The following DNAH5 variants were observed in gnomAD, a reference collection of about 807,000 sequenced individuals.
DNAH5 encodes dynein axonemal heavy chain 5.
A neutral mutation model predicts 518.2 loss-of-function variants in DNAH5; 372 were observed. The observed-to-expected ratio is 0.72, with a 90% CI of 0.66 to 0.78. The LOEUF (loss-of-function observed/expected upper bound fraction) is 0.78. DNAH5 is among the 30% of genes least tolerant of loss of function. The pLI is 0.00. For synonymous variants in DNAH5, 2,039 were observed against 2,025.9 expected, an observed-to-expected ratio of 1.01 and a Z score of -0.17; for missense variants, 5,523 against 5,687.0, an observed-to-expected ratio of 0.97 and a Z score of 0.93.
chr5:13,820,508 A>G lies in DNAH5; in HGVS notation c.6688-9T>C, dbSNP rs372522358. ...AAACCAGCTTCTTCAACCTGAAAAC[A>G]TAAGAGAATCCCCACATTGAAACAC... On this transcript the variant is annotated splice_polypyrimidine_tract_variant and intron_variant, in intron 40 of 78. Coordinates refer to ENST00000265104, the MANE Select transcript of DNAH5 (RefSeq NM_001369.3). 24 of 1,613,674 alleles carry G rather than the reference A, an allele frequency of 1.5e-5. No homozygotes were observed. The highest frequency in any genetic ancestry group is 3.3e-4 in the Middle Eastern group (2 of 5,988).
At chr5:13,940,515 A>G (rs1779358882) in intron 1 of DNAH5, among the ~76,000 whole-genome samples, 1 of 152,116 alleles carries the variant, frequency 6.6e-6, no homozygotes, top group Admixed American at 6.5e-5. Context: ...AAAGCTGGCC[A>G]CTCATTGGAA....
chr5:13,957,839 A>G (rs968678600), intron 1 of DNAH5, among the ~76,000 whole-genome samples: 3 of 151,540 alleles, frequency 2.0e-5, no homozygotes, highest in Non-Finnish European at 4.4e-5. Context: ...TATTATGAAA[A>G]TAATAAAAAT....
rs150165666 is a variant in DNAH5 at position 13,779,317 on chromosome 5, T to C, written c.8951+1512A>G. 9.6e-4 allele frequency among the ~76,000 whole-genome samples: 147 copies of C among 152,340 alleles called. 4 individuals carry two copies. The East Asian group carries it at 0.026, about 27-fold the overall frequency. Reference sequence around the variant, plus strand: ...AGTACTTGAATAAAACAGTAATCTTTGGATTTATTCTCCAAGAAGAACCCT... The same window carrying C: ...AGTACTTGAATAAAACAGTAATCTTCGGATTTATTCTCCAAGAAGAACCCT... On this transcript the variant is annotated intron_variant, in intron 53 of 78. Transcript: ENST00000265104.
At position 13,829,569 on chromosome 5, in the gene DNAH5, C is replaced by G. The variant is rs150095347; in HGVS notation, c.6385G>C (p.Val2129Leu). 41 of 1,614,160 alleles carry G rather than the reference C, an allele frequency of 2.5e-5. No homozygotes were observed. The African/African-American group carries it at 5.1e-4, about 20-fold the overall frequency. The change falls in exon 38 of 79, where the codon GTT becomes CTT. Residue 2129 changes from valine to leucine, a missense_variant. Physicochemically the swap from Val to Leu is conservative, Grantham distance 32 (BLOSUM62 1). Transcript: ENST00000265104. ...AGCGTGAAAAACTTCCTGGCCAAAA[C>G]AACGTTGTCAATGAAGCCACAACTA... Reference protein sequence around the residue: ...LASCGFIDNVVLARKFFTLYK... With the variant: ...LASCGFIDNVLLARKFFTLYK...
At position 13,776,446 on chromosome 5, in the gene DNAH5, TA is replaced by T. The variant is rs1060501460; in HGVS notation, c.9365del (p.Leu3122Ter). The T allele has an allele frequency of 5.6e-6, 9 of 1,613,700 alleles. No individual in the cohort carries two copies. The East Asian group carries it at 2.0e-4, about 36-fold the overall frequency. ...AAACATTTCCATACTAACCAGCAAC[TA>T]AAGCATCTTTGGGCCATCGGCTGAA... is the stretch of plus-strand genomic sequence containing the variant. ...DWFSRWPKDA[L>X]VAVSEHFLTS... On this transcript the variant is annotated frameshift_variant, in exon 55 of 79. Coordinates refer to ENST00000265104, the MANE Select transcript of DNAH5 (RefSeq NM_001369.3). LOFTEE classifies it high-confidence loss of function.
Position 13,721,158 on chromosome 5 carries a change from G to T in DNAH5, c.12121C>A (p.Pro4041Thr). The change falls in exon 71 of 79, where the codon CCA (proline) becomes ACA (threonine). Residue 4041 changes from proline (P) to threonine (T), a missense_variant. Coordinates refer to ENST00000265104, the MANE Select transcript of DNAH5 (RefSeq NM_001369.3). Reference sequence around the variant, plus strand: ...AGGAGACAGATGAGTGGCGTCCGTGGATCAGATTCCTCCCACGTCTTCTCC... The same window carrying T: ...AGGAGACAGATGAGTGGCGTCCGTGTATCAGATTCCTCCCACGTCTTCTCC... ...DLEKTWEESD[P>T]RTPLICLLSM... is the part of the protein sequence containing the mutation. 6.2e-7 allele frequency: 1 copy of T among 1,614,074 alleles called. No individual in the cohort carries two copies. The highest frequency in any genetic ancestry group is 1.1e-5 in the South Asian group (1 of 91,076).
intron 5 of DNAH5, 124 bp downstream of exon 5, chr5:13,921,983 C>A: frequency 9.5e-7 from 1 of 1,051,142 alleles, no homozygotes; most frequent in South Asian, 1.4e-5. Flanking sequence ...AAATTGCCTA[C>A]AAAAATTTTT....
chr5:13,959,891 C>T (rs1210142429), intron 1 of DNAH5, among the ~76,000 whole-genome samples: 1 of 152,048 alleles, frequency 6.6e-6, no homozygotes, highest in Admixed American at 6.5e-5. Flanking sequence ...CTCTTGAACC[C>T]GGGAGGGTGG....
intron 1 of DNAH5, among the ~76,000 whole-genome samples, chr5:13,987,081 G>A (rs1783104302): frequency 6.6e-6 from 1 of 152,130 alleles, no homozygotes; most frequent in Non-Finnish European, 1.5e-5. Flanking sequence ...GTTTCATGTG[G>A]CCTCATGGCA....
chr5:13,900,364 G>C lies in DNAH5; in HGVS notation c.2101C>G (p.Pro701Ala). Reference sequence around the variant, plus strand: ...TTTACAAACAATTCCCCTGTGCCTGGAGCCTTCACCAATAATGAAGCCTCA... The same window carrying C: ...TTTACAAACAATTCCCCTGTGCCTGCAGCCTTCACCAATAATGAAGCCTCA... ...GLEASLLVKA[P>A]GTGELFVNFD... The change falls in exon 15 of 79, where the codon CCA becomes GCA. Residue 701 changes from proline to alanine, a missense_variant. By Grantham distance (27) the Pro-to-Ala change is conservative. This residue lies in a region of DNAH5 where 5,121 missense variants were observed against 5,223.3 expected (regional missense o/e 0.98). Coordinates refer to ENST00000265104, the MANE Select transcript of DNAH5 (RefSeq NM_001369.3). The C allele has an allele frequency of 6.2e-7, 1 of 1,614,084 alleles. No individual in the cohort carries two copies. The highest frequency in any genetic ancestry group is 1.7e-5 in the Admixed American group (1 of 60,010).
chr5:13,766,252 T>C lies in DNAH5; in HGVS notation c.9898-73A>G, dbSNP rs1454579611. 3 of 1,516,012 alleles carry C rather than the reference T, an allele frequency of 2.0e-6. No individual in the cohort carries two copies. The African/African-American group carries it at 4.1e-5, about 21-fold the overall frequency. The allele number at this position is 1,516,012 out of a possible 1,614,324, so 93.9% of individuals were successfully genotyped here. On this transcript the variant is annotated intron_variant, in intron 58 of 78. Coordinates refer to ENST00000265104, the MANE Select transcript of DNAH5 (RefSeq NM_001369.3). ...GACAAGCAAACCTTGCATGTCCAAATGCTGCTATTTCAACAGAGGACAGAA... is the reference window on the plus strand; with the variant it reads ...GACAAGCAAACCTTGCATGTCCAAACGCTGCTATTTCAACAGAGGACAGAA...
At position 13,928,142 on chromosome 5, in the gene DNAH5, G is replaced by A. The variant is rs1778071175; in HGVS notation, c.229C>T (p.Leu77Phe). Residue 77 changes from leucine to phenylalanine, a missense_variant, in exon 3 of 79, where the codon CTC (leucine) becomes TTC (phenylalanine). Transcript: ENST00000265104. Reference sequence around the variant, plus strand: ...TGATAGTAAAACATGAGGTGTCGGAGACCTCCAACAGCAAAAAGTTGATCA... The same window carrying A: ...TGATAGTAAAACATGAGGTGTCGGAAACCTCCAACAGCAAAAAGTTGATCA... ...RIDQLFAVGG[L>F]RHLMFYYQDV... 3 of 1,613,866 alleles carry A rather than the reference G, an allele frequency of 1.9e-6. No homozygotes were observed. Among genetic ancestry groups the A allele is most frequent in the Admixed American group, 1.7e-5 (1 of 60,006 alleles).
At chr5:13,987,099 G>A (rs948294908) in intron 1 of DNAH5, among the ~76,000 whole-genome samples, 8 of 152,082 alleles carry the variant, frequency 5.3e-5, no homozygotes, top group Admixed American at 3.3e-4. Context: ...GCAGAAGCCC[G>A]CCAGACTGCT....
intron 1 of DNAH5, among the ~76,000 whole-genome samples, chr5:13,976,258 C>G (rs1400252193): frequency 1.3e-5 from 2 of 152,194 alleles, no homozygotes; most frequent in Non-Finnish European, 1.5e-5. Flanking sequence ...TCTACAGTTT[C>G]ATTTTCCTCA....
chr5:13,826,404 A>T (rs189986120), intron 38 of DNAH5, among the ~76,000 whole-genome samples: 1 of 152,318 alleles, frequency 6.6e-6, no homozygotes, highest in East Asian at 1.9e-4. Context: ...TCTCATCCTG[A>T]ACTGTAGTCC....
intron 12 of DNAH5, among the ~76,000 whole-genome samples, chr5:13,909,080 T>C (rs1483361277): frequency 1.3e-5 from 2 of 152,114 alleles, no homozygotes; most frequent in Non-Finnish European, 1.5e-5. Flanking sequence ...AAGTGAACAA[T>C]TTCTGACATG....
intron 68 of DNAH5, among the ~76,000 whole-genome samples, chr5:13,731,846 T>C (rs1293268728): frequency 6.6e-6 from 1 of 152,168 alleles, no homozygotes; most frequent in Non-Finnish European, 1.5e-5. Flanking sequence ...ATCCAAATAC[T>C]GTTGAGGCCA....
chr5:13,928,734 C>G (rs1421004014), intron 2 of DNAH5, among the ~76,000 whole-genome samples: 1 of 152,184 alleles, frequency 6.6e-6, no homozygotes, highest in Non-Finnish European at 1.5e-5. Flanking sequence ...AACAGAAACA[C>G]TTCTTTTAAA....
chr5:13,831,934 G>A (rs1763720575), intron 35 of DNAH5, among the ~76,000 whole-genome samples: 1 of 152,152 alleles, frequency 6.6e-6, no homozygotes, highest in African/African-American at 2.4e-5. Flanking sequence ...GAGATTGAGT[G>A]ACTTTTCTCA....
Sources: allele counts gnomAD v4.1 joint callset (sites outside exome capture counted in the v4.1 genomes callset), GRCh38; gene constraint gnomAD v4.1.1; regional missense constraint gnomAD v4.1.1; transcripts MANE v1.5; gene names NCBI Gene and HGNC (gene_info 2026-07-23, HGNC 2026-07-21).